The following PTPRD variants were observed in gnomAD, a reference collection of about 807,000 sequenced individuals.
PTPRD encodes receptor-type tyrosine-protein phosphatase delta.
PTPRD carries 34 observed loss-of-function variants against 214.5 expected under a neutral mutation model. That is an observed-to-expected ratio of 0.16 (90% CI 0.12 to 0.21). The LOEUF (loss-of-function observed/expected upper bound fraction) is 0.21. PTPRD is among the 10% of genes least tolerant of loss of function. The probability of loss-of-function intolerance (pLI) is 1.00; values close to 1 mark genes in which losing one functional copy is unlikely to be tolerated. For missense variants in PTPRD, 2,545 were observed against 2,398.7 expected, an observed-to-expected ratio of 1.06 and a Z score of -1.27; for synonymous variants, 1,128 against 845.7, an observed-to-expected ratio of 1.33 and a Z score of -5.79.
rs146730648 is a variant in PTPRD at position 8,674,371 on chromosome 9, T to C, written c.65-37527A>G. 7.8e-3 allele frequency among the ~76,000 whole-genome samples: 1,137 copies of C among 145,072 alleles called. 9 individuals are homozygous for C. The highest frequency in any genetic ancestry group is 0.03 in the Middle Eastern group (8 of 266). ...CACTCAGGAGACTGAGGCAGGAGAATTGCTTGAACCCAGGAGGCGGAGGTT... is the reference window on the plus strand; with the variant it reads ...CACTCAGGAGACTGAGGCAGGAGAACTGCTTGAACCCAGGAGGCGGAGGTT... On this transcript the variant is annotated intron_variant, in intron 12 of 45. Transcript: ENST00000381196.
chr9:8,660,701 C>T (rs1339349133), intron 12 of PTPRD, among the ~76,000 whole-genome samples: 1 of 152,108 alleles, frequency 6.6e-6, no homozygotes, highest in Non-Finnish European at 1.5e-5. Flanking sequence ...TGCATTTGGT[C>T]CTGCTAAGCC....
intron 12 of PTPRD, among the ~76,000 whole-genome samples, chr9:8,710,976 A>G (rs1338032013): frequency 2.0e-5 from 3 of 152,162 alleles, no homozygotes; most frequent in East Asian, 3.9e-4. Flanking sequence ...AGTTTGGGAA[A>G]TTAATTTAAA....
chr9:8,444,130 T>C (rs1461247775), intron 34 of PTPRD, among the ~76,000 whole-genome samples: 1 of 152,150 alleles, frequency 6.6e-6, no homozygotes, highest in Non-Finnish European at 1.5e-5. Flanking sequence ...ATAGCAATGA[T>C]GGTGTCAAAA....
At chr9:8,358,742 T>C (rs1339313640) in intron 39 of PTPRD, among the ~76,000 whole-genome samples, 1 of 152,154 alleles carries the variant, frequency 6.6e-6, no homozygotes, top group Non-Finnish European at 1.5e-5. Context: ...TTGCATAGTT[T>C]ATTAGACTTC....
At chr9:8,589,232 A>C (rs2093912268) in intron 14 of PTPRD, among the ~76,000 whole-genome samples, 1 of 152,204 alleles carries the variant, frequency 6.6e-6, no homozygotes. Context: ...CCAACCAAAC[A>C]AGCATCTTCA....
At chr9:9,511,647 G>A (rs927207809) in intron 8 of PTPRD, among the ~76,000 whole-genome samples, 1 of 151,648 alleles carries the variant, frequency 6.6e-6, no homozygotes, top group African/African-American at 2.4e-5. Context: ...AGTATGACTT[G>A]AGTTCTCATA....
intron 5 of PTPRD, among the ~76,000 whole-genome samples, chr9:9,896,142 C>G (rs1471095411): frequency 6.6e-6 from 1 of 151,942 alleles, no homozygotes; most frequent in East Asian, 1.9e-4. Flanking sequence ...GAAGTCTTCT[C>G]TAAACACACA....
intron 2 of PTPRD, among the ~76,000 whole-genome samples, chr9:10,467,165 T>C (rs1316915675): frequency 6.6e-6 from 1 of 152,160 alleles, no homozygotes; most frequent in Non-Finnish European, 1.5e-5. Flanking sequence ...CAGAGTACAG[T>C]GAGAAGAGTA....
At chr9:9,594,492 G>C (rs1185711895) in intron 7 of PTPRD, among the ~76,000 whole-genome samples, 1 of 152,002 alleles carries the variant, frequency 6.6e-6, no homozygotes, top group Non-Finnish European at 1.5e-5. Context: ...CCTACATGTG[G>C]CTTGCCAATT....
chr9:10,190,170 C>T (rs1195966127), intron 3 of PTPRD, among the ~76,000 whole-genome samples: 4 of 147,304 alleles, frequency 2.7e-5, no homozygotes, highest in East Asian at 4.2e-4. Context: ...AGTTCGAGAT[C>T]AGCCTGACCA....
At position 10,164,893 on chromosome 9, in the gene PTPRD, G is replaced by GAA. The variant is rs5896374; in HGVS notation, c.-544-131105_-544-131104dup. 2.1e-4 allele frequency among the ~76,000 whole-genome samples: 27 copies of GAA among 126,002 alleles called. No homozygotes were observed. In the East Asian group the frequency reaches 3.1e-3, roughly 14 times the overall value. The allele number at this position is 126,002 out of a possible 152,430, so 82.7% of individuals were successfully genotyped here. ...GGGGACATGGAAGTAATTTGAACAA[G>GAA]AAAAAAAAAAAAAGACAATAGCATA... On this transcript the variant is annotated intron_variant, in intron 3 of 45. Transcript: ENST00000381196.
chr9:9,443,173 AT>A (rs529993003), intron 8 of PTPRD, among the ~76,000 whole-genome samples: 2 of 152,290 alleles, frequency 1.3e-5, no homozygotes, highest in South Asian at 2.1e-4. Flanking sequence ...TTTAAAAAAA[AT>A]CTTCAACTGT....
At chr9:8,549,111 T>C (rs1352600163) in intron 14 of PTPRD, among the ~76,000 whole-genome samples, 2 of 152,174 alleles carry the variant, frequency 1.3e-5, no homozygotes, top group African/African-American at 4.8e-5. Context: ...GTAGTTACTA[T>C]ATTAGTTTAA....
At chr9:8,574,525 A>T (rs2091947540) in intron 14 of PTPRD, among the ~76,000 whole-genome samples, 1 of 152,066 alleles carries the variant, frequency 6.6e-6, no homozygotes, top group Admixed American at 6.6e-5. Context: ...GCAGCTGGAA[A>T]ACACCTAGGT....
chr9:9,678,908 T>G (rs10816162), intron 7 of PTPRD, among the ~76,000 whole-genome samples: 2 of 151,538 alleles, frequency 1.3e-5, no homozygotes, highest in Admixed American at 6.6e-5. Context: ...CAAAAATCAC[T>G]CTAAAACTCA....
intron 2 of PTPRD, among the ~76,000 whole-genome samples, chr9:10,597,188 G>C (rs1346286966): frequency 6.6e-6 from 1 of 151,404 alleles, no homozygotes; most frequent in East Asian, 1.9e-4. Context: ...GGTAAGTTAG[G>C]ACATAAAAGG....
At chr9:8,677,790 A>G (rs937587122) in intron 12 of PTPRD, among the ~76,000 whole-genome samples, 7 of 152,168 alleles carry the variant, frequency 4.6e-5, no homozygotes, top group Non-Finnish European at 8.8e-5. Flanking sequence ...AGTACTCCCT[A>G]AATTATTAAC....
intron 11 of PTPRD, among the ~76,000 whole-genome samples, chr9:8,754,370 C>G (rs1042531861): frequency 6.6e-6 from 1 of 152,040 alleles, no homozygotes; most frequent in African/African-American, 2.4e-5. Context: ...TATAAAGCCA[C>G]AGAAATTAAG....
chr9:9,093,007 C>T (rs945029867), intron 10 of PTPRD, among the ~76,000 whole-genome samples: 12 of 151,656 alleles, frequency 7.9e-5, no homozygotes, highest in Non-Finnish European at 1.2e-4. Flanking sequence ...TAATGCAGTA[C>T]GAAAGAAAAT....
Sources: gnomAD v4.1 joint callset for allele counts (sites outside exome capture counted in the v4.1 genomes callset) on GRCh38, gnomAD v4.1.1 for gene constraint, MANE v1.5 for transcripts, NCBI Gene and HGNC (gene_info 2026-07-23, HGNC 2026-07-21) for gene names.